The following TRABD2B variants were observed in gnomAD, a reference collection of about 807,000 sequenced individuals.
The protein encoded by TRABD2B is metalloprotease TIKI2.
Under a neutral mutation model 40.1 loss-of-function variants are expected in TRABD2B, and 14 were observed. The ratio of observed to expected loss-of-function variants is 0.35; its 90% confidence interval spans 0.23 to 0.55. TRABD2B has a LOEUF of 0.55. Ranked by LOEUF, TRABD2B falls within the 20% of genes least tolerant of loss-of-function variation. The probability of loss-of-function intolerance (pLI) is 0.90; values close to 1 mark genes in which losing one functional copy is unlikely to be tolerated. For synonymous variants in TRABD2B, 263 were observed against 277.0 expected, an observed-to-expected ratio of 0.95 and a Z score of 0.50; for missense variants, 541 against 648.6, an observed-to-expected ratio of 0.83 and a Z score of 1.80.
chr1:47,962,768 CCT>C (rs1023093937), intron 2 of TRABD2B, among the ~76,000 whole-genome samples: 5 of 152,200 alleles, frequency 3.3e-5, no homozygotes, highest in Non-Finnish European at 7.3e-5. Flanking sequence ...ATGCTCTATA[CCT>C]CTCTGTTTCT....
chr1:47,795,524 G>C, intron 3 of TRABD2B: 1 of 341,342 alleles, frequency 2.9e-6, no homozygotes, highest in Non-Finnish European at 4.1e-6. Context: ...GAGTACAAGA[G>C]TAGGCTCACC....
chr1:47,807,628 G>GTGTGTGTGTGTC (rs1644909836), intron 2 of TRABD2B, among the ~76,000 whole-genome samples: 1 of 151,000 alleles, frequency 6.6e-6, no homozygotes, highest in Non-Finnish European at 1.5e-5. Context: ...TCATATTTGT[G>GTGTGTGTGTGTC]TGTGTGTGTG....
chr1:47,820,581 C>A (rs867552416), intron 2 of TRABD2B, among the ~76,000 whole-genome samples: 1 of 152,130 alleles, frequency 6.6e-6, no homozygotes, highest in African/African-American at 2.4e-5. Context: ...GGCTAGGGCC[C>A]CTGGCTACCG....
At chr1:47,988,979 G>T (rs1487246899) in intron 2 of TRABD2B, among the ~76,000 whole-genome samples, 1 of 152,204 alleles carries the variant, frequency 6.6e-6, no homozygotes. Context: ...TGGAACTTCT[G>T]GGAGTAGATT....
chr1:47,863,667 T>C (rs1268278825), intron 2 of TRABD2B, among the ~76,000 whole-genome samples: 3 of 152,082 alleles, frequency 2.0e-5, no homozygotes, highest in Non-Finnish European at 2.9e-5. Context: ...AGCAAAATGG[T>C]ACAGCCACTT....
At chr1:47,816,202 C>A (rs1645030207) in intron 2 of TRABD2B, among the ~76,000 whole-genome samples, 1 of 152,170 alleles carries the variant, frequency 6.6e-6, no homozygotes. Flanking sequence ...GCCCTGGGGC[C>A]CGGGGTCTGG....
In TRABD2B at chr1:47,994,035, T is replaced by G; in HGVS notation, c.665A>C (p.Gln222Pro). The G allele has an allele frequency of 7.8e-6, 12 of 1,533,620 alleles. No homozygotes were observed. Among genetic ancestry groups the G allele is most frequent in the Non-Finnish European group, 1.0e-5 (12 of 1,144,932 alleles). Residue 222 changes from glutamine (Q) to proline (P), a missense_variant and splice_region_variant, in exon 2 of 7, where the codon CAG (glutamine) becomes CCG (proline). Coordinates refer to ENST00000606738, the MANE Select transcript of TRABD2B (RefSeq NM_001194986.2). This position sits in a 1 kb window ranked among gnomAD's most constrained non-coding sequence, Gnocchi z 6.7. ...CGGGCTGGGGCACTGCATGCCTACC[T>G]GGGAGAAGTTGAGCCCGTTGTTGAG... ...HPLNNGLNFS[Q>P]VLFALNQTLL...
chr1:47,990,146 T>C (rs1463834545), intron 2 of TRABD2B, among the ~76,000 whole-genome samples: 1 of 152,202 alleles, frequency 6.6e-6, no homozygotes, highest in African/African-American at 2.4e-5. Flanking sequence ...CACGGTTCTG[T>C]GTTCAGGCGC....
At chr1:47,947,990 A>C (rs973726509) in intron 2 of TRABD2B, among the ~76,000 whole-genome samples, 3 of 152,268 alleles carry the variant, frequency 2.0e-5, no homozygotes, top group Admixed American at 6.5e-5. Context: ...AATCTGAATG[A>C]AGCCAGATAA....
At chr1:47,973,678 TCCC>T (rs911318388) in intron 2 of TRABD2B, among the ~76,000 whole-genome samples, 1 of 152,144 alleles carries the variant, frequency 6.6e-6, no homozygotes, top group African/African-American at 2.4e-5. Flanking sequence ...ACCTCACTCC[TCCC>T]CAGGTCAACC....
intron 2 of TRABD2B, among the ~76,000 whole-genome samples, chr1:47,831,428 A>G (rs898209179): frequency 1.3e-5 from 2 of 152,104 alleles, no homozygotes. Flanking sequence ...GCGCAGTGTG[A>G]ACGTCTTTTG....
intron 2 of TRABD2B, among the ~76,000 whole-genome samples, chr1:47,945,537 A>T (rs1286023314): frequency 6.6e-6 from 1 of 152,238 alleles, no homozygotes; most frequent in African/African-American, 2.4e-5. Context: ...GATATAAAAC[A>T]GTTCCAACAC....
intron 2 of TRABD2B, among the ~76,000 whole-genome samples, chr1:47,963,853 C>T (rs191834262): frequency 3.9e-5 from 6 of 152,158 alleles, no homozygotes; most frequent in African/African-American, 7.2e-5. Context: ...GAGTTTACTG[C>T]GCTGACTCTC....
chr1:47,800,978 T>TTCCCCATG (rs1644815819), intron 3 of TRABD2B, among the ~76,000 whole-genome samples: 1 of 152,084 alleles, frequency 6.6e-6, no homozygotes, highest in Non-Finnish European at 1.5e-5. Flanking sequence ...ATGAGAGCAA[T>TTCCCCATG]GAATGGGGAG....
At chr1:47,867,802 T>C (rs547160906) in intron 2 of TRABD2B, among the ~76,000 whole-genome samples, 14 of 152,210 alleles carry the variant, frequency 9.2e-5, no homozygotes, top group African/African-American at 3.4e-4. Flanking sequence ...AAACATGAAA[T>C]GTGCTATTTT....
At chr1:47,829,617 C>A (rs954550068) in intron 2 of TRABD2B, among the ~76,000 whole-genome samples, 4 of 152,142 alleles carry the variant, frequency 2.6e-5, no homozygotes, top group African/African-American at 9.7e-5. Flanking sequence ...TGTCGCCACT[C>A]CCATGCTCAG....
At chr1:47,973,181 C>T (rs1007787848) in intron 2 of TRABD2B, among the ~76,000 whole-genome samples, 2 of 152,172 alleles carry the variant, frequency 1.3e-5, no homozygotes, top group African/African-American at 4.8e-5. Flanking sequence ...GGGCTGGACA[C>T]TAGGAAAGGC....
At chr1:47,920,914 T>G (rs1644893609) in intron 2 of TRABD2B, among the ~76,000 whole-genome samples, 1 of 152,212 alleles carries the variant, frequency 6.6e-6, no homozygotes. Flanking sequence ...ATACAGTCAG[T>G]GATGCACACA....
chr1:47,982,214 A>G (rs1049577849), intron 2 of TRABD2B, among the ~76,000 whole-genome samples: 3 of 152,200 alleles, frequency 2.0e-5, no homozygotes, highest in Non-Finnish European at 4.4e-5. Flanking sequence ...AGACCAAAGG[A>G]CCAAGAGCCA....
Sources: gnomAD v4.1 joint callset for allele counts (sites outside exome capture counted in the v4.1 genomes callset) on GRCh38, gnomAD v4.1.1 for gene constraint, Gnocchi (gnomAD v3.1) non-coding constraint, MANE v1.5 for transcripts, NCBI Gene and HGNC (gene_info 2026-07-23, HGNC 2026-07-21) for gene names.